The following RNF6 variants were observed in gnomAD, a reference collection of about 807,000 sequenced individuals.
RNF6 encodes the protein ring finger protein 6.
RNF6 carries 21 observed loss-of-function variants against 50.1 expected under a neutral mutation model. The ratio of observed to expected loss-of-function variants is 0.42; its 90% confidence interval spans 0.30 to 0.60. RNF6 has a LOEUF of 0.60. Ranked by LOEUF, RNF6 falls within the 20% of genes least tolerant of loss-of-function variation. RNF6 has a pLI of 0.20. For synonymous variants in RNF6, 255 were observed against 291.8 expected, an observed-to-expected ratio of 0.87 and a Z score of 1.29; for missense variants, 698 against 838.2, an observed-to-expected ratio of 0.83 and a Z score of 2.07.
At chr13:26,181,131 C>T (rs547889576) in intron 5 of RNF6, among the ~76,000 whole-genome samples, 18 of 152,220 alleles carry the variant, frequency 1.2e-4, no homozygotes, top group African/African-American at 3.6e-4. Context: ...GACAAGGCAC[C>T]GGACTAGATC....
intron 5 of RNF6, among the ~76,000 whole-genome samples, chr13:26,151,408 G>T (rs1484622673): frequency 6.6e-6 from 1 of 152,046 alleles, no homozygotes. Flanking sequence ...GATTACAGGT[G>T]CATGCCACCA....
chr13:26,221,590 C>T (rs923029881), intron 1 of RNF6: 9 of 152,252 alleles, frequency 5.9e-5, no homozygotes, highest in Non-Finnish European at 1.0e-4. Context: ...CAAAGGCCTT[C>T]CTTCCTATCC....
intron 5 of RNF6, among the ~76,000 whole-genome samples, chr13:26,152,888 C>A (rs541582135): frequency 2.6e-5 from 4 of 152,252 alleles, no homozygotes; most frequent in African/African-American, 9.6e-5. Flanking sequence ...GGCGCGGTGG[C>A]TCACACCTGT....
chr13:26,184,917 T>C (rs1287909582), intron 5 of RNF6, among the ~76,000 whole-genome samples: 1 of 152,202 alleles, frequency 6.6e-6, no homozygotes, highest in Non-Finnish European at 1.5e-5. Context: ...CCCTACAAAC[T>C]GTCTACCTAG....
chr13:26,149,402 A>G (rs1371873683), intron 5 of RNF6, among the ~76,000 whole-genome samples: 1 of 152,108 alleles, frequency 6.6e-6, no homozygotes, highest in African/African-American at 2.4e-5. Context: ...CCTGGCTAAC[A>G]CAGTGAAACC....
At chr13:26,169,966 T>C (rs1251174418) in intron 5 of RNF6, among the ~76,000 whole-genome samples, 1 of 152,228 alleles carries the variant, frequency 6.6e-6, no homozygotes, top group Non-Finnish European at 1.5e-5. Context: ...TCCAGTGCAA[T>C]TTACACTTTG....
In RNF6 at chr13:26,186,595, G is replaced by C. The variant is rs530849496; in HGVS notation, n.768+28879C>G. ...CGCCAGCGCGGACCCTGACGGGGCC[G>C]AGCCTCGGAATTGGGCCTCCTCGGC... On this transcript the variant is annotated intron_variant and non_coding_transcript_variant, in intron 5 of 5. Transcript: ENST00000468480. 9.3e-4 allele frequency among the ~76,000 whole-genome samples: 141 copies of C among 152,316 alleles called. 1 individual carries two copies. The highest frequency in any genetic ancestry group is 1.8e-3 in the Non-Finnish European group (121 of 68,018).
intron 5 of RNF6, among the ~76,000 whole-genome samples, chr13:26,159,353 G>T (rs541726390): frequency 6.6e-6 from 1 of 152,036 alleles, no homozygotes; most frequent in Admixed American, 6.6e-5. Flanking sequence ...TGCCGGGTGC[G>T]GTGGCTCACG....
At position 26,221,284 on chromosome 13, in the gene RNF6, T is replaced by C. The variant is rs1870459795; in HGVS notation, c.-55A>G. The C allele has an allele frequency of 6.6e-6, 1 of 152,218 alleles. No individual in the cohort carries two copies. Among genetic ancestry groups the C allele is most frequent in the South Asian group, 2.1e-4 (1 of 4,832 alleles). The allele number at this position is 152,218 out of a possible 1,614,324, so 9.4% of individuals were successfully genotyped here. ...TTCAACACGCTTTTAACATATGCCATGGTATCCATCCTTCAATTGTTTGTG... is the reference window on the plus strand; with the variant it reads ...TTCAACACGCTTTTAACATATGCCACGGTATCCATCCTTCAATTGTTTGTG... On this transcript the variant is annotated 5_prime_UTR_variant, in exon 2 of 5. An upstream start codon of the reference 5' UTR is lost. Coordinates refer to ENST00000381588, the MANE Select transcript of RNF6 (RefSeq NM_005977.4).
At chr13:26,164,855 C>A (rs114456061) in intron 5 of RNF6, among the ~76,000 whole-genome samples, 2,337 of 152,244 alleles carry the variant, frequency 0.015, 67 homozygotes, top group African/African-American at 0.052. Context: ...ATAACAGAAG[C>A]AGAGCATAAA....
chr13:26,172,428 T>C (rs901295170), intron 5 of RNF6, among the ~76,000 whole-genome samples: 12 of 152,144 alleles, frequency 7.9e-5, no homozygotes, highest in Admixed American at 4.6e-4. Context: ...TCTTCAAAAA[T>C]GGTGAAAAAA....
chr13:26,182,546 C>T (rs1056257679), intron 5 of RNF6, among the ~76,000 whole-genome samples: 1 of 152,180 alleles, frequency 6.6e-6, no homozygotes, highest in African/African-American at 2.4e-5. Flanking sequence ...GGCATGCGGG[C>T]TTATGCCTGT....
chr13:26,135,969 C>A (rs1870628310), intron 5 of RNF6, among the ~76,000 whole-genome samples: 1 of 152,168 alleles, frequency 6.6e-6, no homozygotes, highest in Non-Finnish European at 1.5e-5. Flanking sequence ...GGGGCCTTCA[C>A]CAGAAGCAGC....
intron 5 of RNF6, among the ~76,000 whole-genome samples, chr13:26,158,135 G>C (rs1390251148): frequency 6.6e-6 from 1 of 152,136 alleles, no homozygotes; most frequent in Non-Finnish European, 1.5e-5. Flanking sequence ...TAGGAGAGAG[G>C]AGCCAGGGAA....
In RNF6 at chr13:26,213,873, G is replaced by A. The variant is rs377452273; in HGVS notation, c.2009C>T (p.Pro670Leu). The A allele has an allele frequency of 3.1e-6, 5 of 1,613,468 alleles. No homozygotes were observed. The highest frequency in any genetic ancestry group is 4.2e-6 in the Non-Finnish European group (5 of 1,179,710). Residue 670 changes from proline to leucine, a missense_variant, in exon 5 of 5, where the codon CCG (proline) becomes CTG (leucine). Coordinates refer to ENST00000381588, the MANE Select transcript of RNF6 (RefSeq NM_005977.4). Reference protein sequence around the residue: ...DRWLSENCTCPICRQPVLGSN... With the variant: ...DRWLSENCTCLICRQPVLGSN... ...CCCTAAAACAGGCTGCCGACAGATC[G>A]GACAAGTGCAATTCTCTGAGAGCCA...
chr13:26,177,235 G>C (rs927412861), intron 5 of RNF6, among the ~76,000 whole-genome samples: 2 of 152,126 alleles, frequency 1.3e-5, no homozygotes, highest in African/African-American at 4.8e-5. Context: ...GTGAGAGAAA[G>C]ACAAACCTCC....
intron 5 of RNF6, among the ~76,000 whole-genome samples, chr13:26,136,204 G>A (rs1354863032): frequency 1.3e-5 from 2 of 152,164 alleles, no homozygotes; most frequent in African/African-American, 4.8e-5. Flanking sequence ...ATCTTGCAGA[G>A]CAGCTCAGTA....
intron 5 of RNF6, among the ~76,000 whole-genome samples, chr13:26,155,055 A>AC (rs1871839086): frequency 1.3e-5 from 2 of 151,420 alleles, no homozygotes; most frequent in East Asian, 1.9e-4. Context: ...CAAAAAAAAA[A>AC]CTCCTAATCA....
At chr13:26,176,176 C>T (rs1872948571) in intron 5 of RNF6, among the ~76,000 whole-genome samples, 1 of 152,214 alleles carries the variant, frequency 6.6e-6, no homozygotes, top group African/African-American at 2.4e-5. Flanking sequence ...ACTCTCTGAA[C>T]TGAAATTCGC....
Sources: gnomAD v4.1 joint callset for allele counts (sites outside exome capture counted in the v4.1 genomes callset) on GRCh38, gnomAD v4.1.1 for gene constraint, MANE v1.5 for transcripts, NCBI Gene and HGNC (gene_info 2026-07-23, HGNC 2026-07-21) for gene names.